The following CSMD3 variants were observed in gnomAD, a reference collection of about 807,000 sequenced individuals.
CSMD3 encodes CUB and Sushi multiple domains 3, also known as CUB and sushi domain-containing protein 3.
Under a neutral mutation model 435.2 loss-of-function variants are expected in CSMD3, and 177 were observed. The observed-to-expected ratio is 0.41, with a 90% confidence interval of 0.36 to 0.46. The LOEUF is 0.46. CSMD3 is among the 20% of genes least tolerant of loss of function. The pLI is 0.34. For synonymous variants in CSMD3, 1,656 were observed against 1,520.5 expected, an observed-to-expected ratio of 1.09 and a Z score of -2.07; for missense variants, 4,265 against 4,504.6, an observed-to-expected ratio of 0.95 and a Z score of 1.52.
At chr8:112,503,212 GC>G (rs1366183918) in intron 30 of CSMD3, among the ~76,000 whole-genome samples, 1 of 152,254 alleles carries the variant, frequency 6.6e-6, no homozygotes, top group South Asian at 2.1e-4. Flanking sequence ...TTCTTGAGTA[GC>G]TGGGACTACA....
At chr8:113,347,531 C>A (rs1388486292) in intron 1 of CSMD3, among the ~76,000 whole-genome samples, 4 of 151,980 alleles carry the variant, frequency 2.6e-5, no homozygotes, top group African/African-American at 9.7e-5. Flanking sequence ...GGCTTTTTTT[C>A]TTTCATGGTT....
chr8:112,715,551 A>C (rs915388632), intron 13 of CSMD3, among the ~76,000 whole-genome samples: 4 of 152,094 alleles, frequency 2.6e-5, no homozygotes, highest in Non-Finnish European at 5.9e-5. Flanking sequence ...TGAAAAGGAG[A>C]GTCTCCTCCC....
At chr8:112,507,732 G>A (rs1472697374) in intron 28 of CSMD3, among the ~76,000 whole-genome samples, 1 of 152,164 alleles carries the variant, frequency 6.6e-6, no homozygotes, top group African/African-American at 2.4e-5. Flanking sequence ...CAACATTTCA[G>A]CATTTCTGTT....
intron 5 of CSMD3, among the ~76,000 whole-genome samples, chr8:113,042,130 A>G (rs991780997): frequency 6.6e-6 from 1 of 152,142 alleles, no homozygotes; most frequent in Non-Finnish European, 1.5e-5. Flanking sequence ...TTCATTTTGT[A>G]TGTTTTTGTA....
At chr8:112,586,802 A>G (rs1174888615) in intron 23 of CSMD3, among the ~76,000 whole-genome samples, 1 of 151,286 alleles carries the variant, frequency 6.6e-6, no homozygotes, top group Non-Finnish European at 1.5e-5. Flanking sequence ...TTATTTTGGT[A>G]TTATTAAGAC....
intron 25 of CSMD3, 63 bp from the exon 26 acceptor site, chr8:112,552,783 A>T: frequency 6.8e-7 from 1 of 1,481,316 alleles, no homozygotes; most frequent in Non-Finnish European, 9.3e-7. Flanking sequence ...AACAATCTAC[A>T]AATTTCTCAT....
chr8:113,406,131 C>T (rs905045411), intron 1 of CSMD3, among the ~76,000 whole-genome samples: 3 of 151,866 alleles, frequency 2.0e-5, no homozygotes, highest in Non-Finnish European at 4.4e-5. Flanking sequence ...AAGTGTTTTA[C>T]ATATAACAGC....
chr8:112,334,408 T>C (rs1036119054), intron 45 of CSMD3, among the ~76,000 whole-genome samples: 2 of 152,206 alleles, frequency 1.3e-5, no homozygotes, highest in Non-Finnish European at 2.9e-5. Flanking sequence ...TAGCTACTTG[T>C]ATATTAAAAA....
chr8:113,116,138 ATAAT>A (rs1276329254), intron 4 of CSMD3, among the ~76,000 whole-genome samples: 15 of 149,722 alleles, frequency 1.0e-4, no homozygotes, highest in African/African-American at 3.1e-4. Flanking sequence ...CTAAAAAAAC[ATAAT>A]TTATTTCTAC....
At chr8:112,750,013 T>C (rs1482955867) in intron 13 of CSMD3, among the ~76,000 whole-genome samples, 1 of 152,012 alleles carries the variant, frequency 6.6e-6, no homozygotes, top group Non-Finnish European at 1.5e-5. Context: ...TCTGCGAGTA[T>C]GTTGAATGGA....
intron 22 of CSMD3, among the ~76,000 whole-genome samples, chr8:112,606,077 C>T (rs574145517): frequency 6.6e-6 from 1 of 152,038 alleles, no homozygotes; most frequent in Non-Finnish European, 1.5e-5. Flanking sequence ...ACAAAAGTAC[C>T]TTTGTGGAAA....
At chr8:112,758,338 C>T (rs892612951) in intron 13 of CSMD3, among the ~76,000 whole-genome samples, 7 of 136,084 alleles carry the variant, frequency 5.1e-5, no homozygotes, top group South Asian at 2.5e-4. Flanking sequence ...GGTGACAAAG[C>T]GAGACTCCAT....
intron 58 of CSMD3, among the ~76,000 whole-genome samples, chr8:112,282,022 AAT>A (rs1193595709): frequency 5.3e-5 from 8 of 152,112 alleles, no homozygotes; most frequent in South Asian, 2.1e-4. Context: ...ATTTGTCAAC[AAT>A]ATGTTAATTT....
intron 10 of CSMD3, among the ~76,000 whole-genome samples, chr8:112,912,044 C>A (rs914884127): frequency 6.7e-6 from 1 of 148,262 alleles, no homozygotes; most frequent in Non-Finnish European, 1.5e-5. Flanking sequence ...GCTTTAGTGG[C>A]TTATTTCAAT....
Position 112,247,023 on chromosome 8 carries a change from T to G in CSMD3, c.10219A>C (p.Ile3407Leu), listed in dbSNP as rs1563684125. ...LTWSGIQPEC[I>L]PHSCKQPETP... is the part of the protein sequence containing the mutation. Reference sequence around the variant, plus strand: ...ATTTCTTATCCATAATACTTACGTATGCATTCAGGCTGAATCCCACTCCAC... The same window carrying G: ...ATTTCTTATCCATAATACTTACGTAGGCATTCAGGCTGAATCCCACTCCAC... Residue 3407 changes from isoleucine to leucine, a missense_variant, in exon 64 of 71, where the codon ATA becomes CTA. By Grantham distance (5) the Ile-to-Leu change is conservative. Around this residue, in one of 3 missense-constraint regions of CSMD3, gnomAD observed 3,255 missense variants for 3,380.2 expected, o/e 0.96. Transcript: ENST00000297405. 8.1e-6 allele frequency: 13 copies of G among 1,600,080 alleles called. No individual in the cohort carries two copies. Among genetic ancestry groups the G allele is most frequent in the African/African-American group, 1.3e-5 (1 of 74,758 alleles).
rs1822252372 is a variant in CSMD3 at position 112,314,197 on chromosome 8, A to G, written c.7550-145T>C. ...CATTAACAATAATTGAAAACATAAA[A>G]TGTTTGTTTTAAGCATTTTAATTCT... On this transcript the variant is annotated intron_variant, in intron 48 of 70. Transcript: ENST00000297405. 5.3e-6 allele frequency: 4 copies of G among 750,740 alleles called. No homozygotes were observed. In the East Asian group the frequency reaches 8.1e-5, roughly 15 times the overall value. 46.5% of individuals were successfully genotyped at this position (750,740 alleles called of 1,614,324 possible).
At chr8:112,722,576 C>T (rs944784238) in intron 13 of CSMD3, among the ~76,000 whole-genome samples, 2 of 150,106 alleles carry the variant, frequency 1.3e-5, no homozygotes, top group African/African-American at 4.9e-5. Flanking sequence ...TGTGCGTTAG[C>T]GTGTGTGTGT....
At chr8:112,945,795 A>C (rs2083591457) in intron 9 of CSMD3, among the ~76,000 whole-genome samples, 1 of 151,414 alleles carries the variant, frequency 6.6e-6, no homozygotes, top group Non-Finnish European at 1.5e-5. Context: ...TCTCCTATTT[A>C]CGCTCTATAA....
At chr8:112,422,552 T>C (rs1812633484) in intron 32 of CSMD3, among the ~76,000 whole-genome samples, 1 of 152,194 alleles carries the variant, frequency 6.6e-6, no homozygotes. Flanking sequence ...TACTTCCTGG[T>C]GTGTGCCCTT....
Sources: gnomAD v4.1 joint callset for allele counts (sites outside exome capture counted in the v4.1 genomes callset) on GRCh38, gnomAD v4.1.1 for gene constraint, gnomAD v4.1.1 regional missense constraint, MANE v1.5 for transcripts, NCBI Gene and HGNC (gene_info 2026-07-23, HGNC 2026-07-21) for gene names.